The following DRC10 variants were observed in gnomAD, a reference collection of about 807,000 sequenced individuals.
The protein encoded by DRC10 is dynein regulatory complex subunit 10, also known as IQ domain-containing protein D.
the DRC10 span, among the ~76,000 whole-genome samples, chr12:113,196,553 C>T: frequency 6.6e-6 from 1 of 152,346 alleles, no homozygotes; most frequent in Non-Finnish European, 1.5e-5. Flanking sequence ...AACCAACCCA[C>T]AACCCTCATG....
chr12:113,197,690 G>C, the DRC10 span: 1 of 891,320 alleles, frequency 1.1e-6, no homozygotes. Flanking sequence ...TGCATCACTA[G>C]GCTCTGGCAG....
the DRC10 span, among the ~76,000 whole-genome samples, chr12:113,216,827 A>G: frequency 2.0e-5 from 3 of 152,072 alleles, no homozygotes; most frequent in African/African-American, 7.2e-5. Context: ...TTGGGATTAC[A>G]GGACTTTGGG....
chr12:113,219,640 T>A, the DRC10 span, among the ~76,000 whole-genome samples: 1 of 152,154 alleles, frequency 6.6e-6, no homozygotes, highest in Non-Finnish European at 1.5e-5. Context: ...TTCATTTTCT[T>A]ATGAAAATAT....
the DRC10 span, among the ~76,000 whole-genome samples, chr12:113,220,119 C>T: frequency 6.6e-6 from 1 of 152,106 alleles, no homozygotes; most frequent in East Asian, 1.9e-4. Context: ...CCACCGCGCC[C>T]GGCCCTTAGC....
chr12:113,208,983 G>T, the DRC10 span, among the ~76,000 whole-genome samples: 1 of 152,228 alleles, frequency 6.6e-6, no homozygotes, highest in Admixed American at 6.5e-5. Context: ...CCAGGCTGCA[G>T]TGCAGTGCCA....
the DRC10 span, chr12:113,200,520 T>C: frequency 1.0e-6 from 1 of 991,436 alleles, no homozygotes. Flanking sequence ...GATGGAACAG[T>C]CCCACCCATC....
the DRC10 span, among the ~76,000 whole-genome samples, chr12:113,211,315 T>G: frequency 6.6e-6 from 1 of 152,090 alleles, no homozygotes; most frequent in African/African-American, 2.4e-5. Flanking sequence ...AAGTGACACT[T>G]GAAGCCACAA....
chr12:113,199,099 G>A, the DRC10 span, among the ~76,000 whole-genome samples: 3 of 152,024 alleles, frequency 2.0e-5, no homozygotes, highest in South Asian at 4.2e-4. Flanking sequence ...CACCACGCCC[G>A]GCTAATTTTG....
the DRC10 span, among the ~76,000 whole-genome samples, chr12:113,219,641 A>C: frequency 5.3e-5 from 8 of 151,806 alleles, no homozygotes; most frequent in Non-Finnish European, 8.8e-5. Context: ...TCATTTTCTT[A>C]TGAAAATATC....
the DRC10 span, chr12:113,208,028 T>C: frequency 6.2e-7 from 1 of 1,614,168 alleles, no homozygotes; most frequent in South Asian, 1.1e-5. Context: ...TTGGCCTCAA[T>C]GGTGGTGAGT....
At chr12:113,216,500 G>A in the DRC10 span, among the ~76,000 whole-genome samples, 1 of 152,136 alleles carries the variant, frequency 6.6e-6, no homozygotes, top group Non-Finnish European at 1.5e-5. Flanking sequence ...AACACCAAGC[G>A]TGAACCCTTA....
At chr12:113,213,680 C>G in the DRC10 span, among the ~76,000 whole-genome samples, 12 of 152,336 alleles carry the variant, frequency 7.9e-5, no homozygotes, top group African/African-American at 2.9e-4. Flanking sequence ...GACTTCTGGC[C>G]GGGCGCAGTG....
the DRC10 span, among the ~76,000 whole-genome samples, chr12:113,216,305 A>T: frequency 6.6e-6 from 1 of 152,232 alleles, no homozygotes; most frequent in Admixed American, 6.5e-5. Flanking sequence ...CACTCCAACT[A>T]TATGACATTC....
chr12:113,197,323 C>T, the DRC10 span, among the ~76,000 whole-genome samples: 1 of 151,932 alleles, frequency 6.6e-6, no homozygotes, highest in Non-Finnish European at 1.5e-5. Context: ...AGGCATGAGC[C>T]ACAGCACCTG....
the DRC10 span, among the ~76,000 whole-genome samples, chr12:113,220,520 C>T: frequency 6.6e-6 from 1 of 152,160 alleles, no homozygotes; most frequent in Non-Finnish European, 1.5e-5. Context: ...TCCCAAAGTG[C>T]TGGGATTACA....
chr12:113,202,603 G>A, the DRC10 span, among the ~76,000 whole-genome samples: 2 of 152,214 alleles, frequency 1.3e-5, no homozygotes, highest in Non-Finnish European at 2.9e-5. Flanking sequence ...ATGCATGGAA[G>A]TTCTGTGTGC....
At chr12:113,201,198 A>G in the DRC10 span, among the ~76,000 whole-genome samples, 5 of 151,922 alleles carry the variant, frequency 3.3e-5, no homozygotes, top group African/African-American at 7.2e-5. Flanking sequence ...GCACCACTGC[A>G]TCCTCCCTCA....
At chr12:113,220,414 C>T in the DRC10 span, among the ~76,000 whole-genome samples, 1 of 151,986 alleles carries the variant, frequency 6.6e-6, no homozygotes, top group East Asian at 1.9e-4. Flanking sequence ...CCTCCATGCT[C>T]AGCTAATTTT....
the DRC10 span, among the ~76,000 whole-genome samples, chr12:113,217,485 C>T: frequency 2.6e-5 from 4 of 152,228 alleles, no homozygotes; most frequent in Non-Finnish European, 4.4e-5. Flanking sequence ...CCCAAATTCC[C>T]ATGAGCTAAT....
Sources: gnomAD v4.1 joint callset for allele counts (sites outside exome capture counted in the v4.1 genomes callset) on GRCh38, gnomAD v4.1.1 for gene constraint, MANE v1.5 for transcripts, NCBI Gene and HGNC (gene_info 2026-07-23, HGNC 2026-07-21) for gene names.